NOL4: variants seen among roughly 807,000 people sequenced by gnomAD.
The protein encoded by NOL4 is cancer/testis antigen 125.
Under a neutral mutation model 75.9 loss-of-function variants are expected in NOL4, and 17 were observed. That is an observed-to-expected ratio of 0.22 (90% CI 0.15 to 0.34). The LOEUF (loss-of-function observed/expected upper bound fraction) is 0.34. Ranked by LOEUF, NOL4 falls within the 10% of genes least tolerant of loss-of-function variation. The probability of loss-of-function intolerance (pLI) is 1.00; values close to 1 mark genes in which losing one functional copy is unlikely to be tolerated. For missense variants in NOL4, 614 were observed against 793.5 expected, an observed-to-expected ratio of 0.77 and a Z score of 2.72; for synonymous variants, 292 against 289.9, an observed-to-expected ratio of 1.01 and a Z score of -0.07.
At chr18:34,045,099 G>T (rs1381531809) in intron 5 of NOL4, among the ~76,000 whole-genome samples, 1 of 151,686 alleles carries the variant, frequency 6.6e-6, no homozygotes, top group Non-Finnish European at 1.5e-5. Flanking sequence ...TTTTTTTTGA[G>T]ACAGAGGCTC....
chr18:33,959,137 A>G (rs1568128885), intron 6 of NOL4, among the ~76,000 whole-genome samples: 5 of 152,160 alleles, frequency 3.3e-5, no homozygotes, highest in Admixed American at 2.0e-4. Context: ...TTAAAGCAAG[A>G]ACAATTAAAT....
chr18:33,967,250 G>C (rs995158454), intron 6 of NOL4, among the ~76,000 whole-genome samples: 2 of 152,086 alleles, frequency 1.3e-5, no homozygotes, highest in Admixed American at 1.3e-4. Flanking sequence ...TCAATAAATG[G>C]TGCTGGGATA....
rs536107643 is a variant in NOL4, at chr18:34,002,485, T to G, written c.1056+16833A>C. Among the ~76,000 whole-genome samples, 268 of 152,154 alleles carry G rather than the reference T, an allele frequency of 1.8e-3. 1 individual carries two copies. Among genetic ancestry groups the G allele is most frequent in the African/African-American group, 5.7e-3 (238 of 41,536 alleles). On this transcript the variant is annotated intron_variant, in intron 6 of 10. Coordinates refer to ENST00000261592, the MANE Select transcript of NOL4 (RefSeq NM_003787.5). Reference sequence around the variant, plus strand: ...TCCTGACTCCCAAGACCCAAACCAGTGTCTTTTCCTGCACTTTGACCATAC... The same window carrying G: ...TCCTGACTCCCAAGACCCAAACCAGGGTCTTTTCCTGCACTTTGACCATAC...
chr18:34,072,243 A>G (rs2077555350), intron 5 of NOL4, among the ~76,000 whole-genome samples: 1 of 152,110 alleles, frequency 6.6e-6, no homozygotes, highest in African/African-American at 2.4e-5. Flanking sequence ...AACAAACAAA[A>G]AAAGATAAAA....
chr18:34,202,396 T>G (rs148475659), intron 1 of NOL4, among the ~76,000 whole-genome samples: 1 of 152,090 alleles, frequency 6.6e-6, no homozygotes, highest in African/African-American at 2.4e-5. Flanking sequence ...ACTTTAATCT[T>G]AGAGTTAAAA....
chr18:34,223,339 C>G lies in NOL4; in HGVS notation c.-86G>C. On this transcript the variant is annotated 5_prime_UTR_variant, in exon 1 of 11. Transcript: ENST00000261592. ...GGCTCATGAAAAATGCAGCCCCGGC[C>G]ACGTTGCAGGGATGCGAGGTCCCGG... 6.5e-7 allele frequency: 1 copy of G among 1,535,296 alleles called. No individual in the cohort carries two copies. The highest frequency in any genetic ancestry group is 8.7e-7 in the Non-Finnish European group (1 of 1,143,718).
chr18:33,903,540 C>T lies in NOL4; in HGVS notation c.1543-20116G>A, dbSNP rs539681753. Among the ~76,000 whole-genome samples the T allele has an allele frequency of 2.7e-3, 418 of 152,270 alleles. 1 individual carries two copies. Among genetic ancestry groups the T allele is most frequent in the Non-Finnish European group, 4.5e-3 (307 of 68,020 alleles). On this transcript the variant is annotated intron_variant, in intron 9 of 10. Transcript: ENST00000261592. ...ACTCCTGCCATTATCTGACACCAAA[C>T]TCAAGTTAACCAAAGCCTCATCTTT... is the stretch of plus-strand genomic sequence containing the variant.
At chr18:33,997,865 C>T (rs535222672) in intron 6 of NOL4, among the ~76,000 whole-genome samples, 1 of 151,678 alleles carries the variant, frequency 6.6e-6, no homozygotes, top group East Asian at 1.9e-4. Flanking sequence ...ACCCAAATGT[C>T]CATCAATTGA....
intron 1 of NOL4, among the ~76,000 whole-genome samples, chr18:34,171,682 C>T (rs185540444): frequency 6.6e-6 from 1 of 152,212 alleles, no homozygotes; most frequent in East Asian, 1.9e-4. Context: ...AATGCTTGCT[C>T]TTACTTCATT....
chr18:34,030,689 A>T (rs2075595324), intron 5 of NOL4, among the ~76,000 whole-genome samples: 1 of 152,146 alleles, frequency 6.6e-6, no homozygotes, highest in South Asian at 2.1e-4. Flanking sequence ...TATAGTTTCA[A>T]ATAATAGCTA....
At chr18:33,935,054 G>C (rs1377395673) in intron 9 of NOL4, among the ~76,000 whole-genome samples, 1 of 151,784 alleles carries the variant, frequency 6.6e-6, no homozygotes, top group African/African-American at 2.4e-5. Flanking sequence ...TGTAGAGATG[G>C]GGGTCTCACT....
intron 1 of NOL4, among the ~76,000 whole-genome samples, chr18:34,210,272 T>A (rs542774597): frequency 2.0e-5 from 3 of 152,328 alleles, no homozygotes; most frequent in African/African-American, 7.2e-5. Flanking sequence ...TCAATTACTT[T>A]AAAGTAGAAT....
intron 2 of NOL4, chr18:34,128,941 C>A: frequency 1.3e-6 from 1 of 746,990 alleles, no homozygotes; most frequent in Non-Finnish European, 1.6e-6. Context: ...TAGCTGAAAA[C>A]AGTTAATATA....
chr18:34,157,787 T>C (rs2030705314), intron 1 of NOL4, among the ~76,000 whole-genome samples: 1 of 151,984 alleles, frequency 6.6e-6, no homozygotes, highest in South Asian at 2.1e-4. Context: ...AGAGGTTAAG[T>C]AGGATGACAA....
chr18:34,069,038 A>G (rs970812844), intron 5 of NOL4, among the ~76,000 whole-genome samples: 2 of 152,176 alleles, frequency 1.3e-5, no homozygotes, highest in African/African-American at 4.8e-5. Context: ...TAATAAAGGT[A>G]AAGCAAAATA....
intron 2 of NOL4, among the ~76,000 whole-genome samples, 193 bp from the exon 3 acceptor site, chr18:34,105,353 G>A (rs1463414689): frequency 6.6e-6 from 1 of 151,820 alleles, no homozygotes; most frequent in East Asian, 1.9e-4. Flanking sequence ...TTTAATAAAA[G>A]CCAATAATGC....
At chr18:33,903,465 T>C (rs894714906) in intron 9 of NOL4, among the ~76,000 whole-genome samples, 1 of 152,100 alleles carries the variant, frequency 6.6e-6, no homozygotes, top group Non-Finnish European at 1.5e-5. Context: ...GCTGTTAAGT[T>C]ACAGGGTTTT....
At chr18:34,093,836 G>A (rs182722520) in intron 4 of NOL4, among the ~76,000 whole-genome samples, 53 of 152,220 alleles carry the variant, frequency 3.5e-4, no homozygotes, top group African/African-American at 1.3e-3. Context: ...TCAGGAGATC[G>A]AGACCATCCT....
At chr18:34,108,969 T>A (rs999338309) in intron 2 of NOL4, among the ~76,000 whole-genome samples, 4 of 152,176 alleles carry the variant, frequency 2.6e-5, no homozygotes, top group East Asian at 1.9e-4. Context: ...TAACAAATTT[T>A]AAAAAACTGA....
Sources: allele counts gnomAD v4.1 joint callset (sites outside exome capture counted in the v4.1 genomes callset), GRCh38; gene constraint gnomAD v4.1.1; transcripts MANE v1.5; gene names NCBI Gene and HGNC (gene_info 2026-07-23, HGNC 2026-07-21).